The following KRAS variants were observed in gnomAD, a reference collection of about 807,000 sequenced individuals.
The protein encoded by KRAS is GTPase KRas.
A neutral mutation model predicts 21.0 loss-of-function variants in KRAS; 1 was observed. That is an observed-to-expected ratio of 0.05 (90% CI 0.02 to 0.23). KRAS has a LOEUF of 0.23. Among genes scored for constraint, KRAS ranks in the 10% least tolerant of loss-of-function variants. The pLI is 1.00. For synonymous variants in KRAS, 67 were observed against 72.5 expected (o/e 0.92, Z 0.39); for missense variants, 107 against 221.8 (o/e 0.48, Z 3.29).
intron 2 of KRAS, among the ~76,000 whole-genome samples, chr12:25,242,948 A>G (rs1951628635): frequency 6.6e-6 from 1 of 152,332 alleles, no homozygotes; most frequent in East Asian, 1.9e-4. Flanking sequence ...GTAAATTTTG[A>G]AAAATCTAAA....
At chr12:25,221,653 T>A (rs1221418990) in intron 4 of KRAS, among the ~76,000 whole-genome samples, 1 of 152,162 alleles carries the variant, frequency 6.6e-6, no homozygotes, top group Non-Finnish European at 1.5e-5. Flanking sequence ...ACATTTACTA[T>A]CTTGGCCCTT....
intron 2 of KRAS, among the ~76,000 whole-genome samples, chr12:25,240,506 G>A (rs777008671): frequency 2.6e-5 from 4 of 152,176 alleles, no homozygotes; most frequent in South Asian, 2.1e-4. Context: ...ATTGTAATAG[G>A]TATTACAAGA....
chr12:25,227,462 CA>C, intron 2 of KRAS, 50 bp from the exon 3 acceptor site: 2 of 1,540,538 alleles, frequency 1.3e-6, no homozygotes, highest in Admixed American at 1.7e-5. Context: ...CCTTTTACTT[CA>C]AAAAAGGTGT....
chr12:25,218,920 T>TTG (rs1951285170), intron 4 of KRAS, among the ~76,000 whole-genome samples: 1 of 110,882 alleles, frequency 9.0e-6, no homozygotes, highest in South Asian at 3.9e-4. Flanking sequence ...GGGTTTTTTG[T>TTG]TTTTTTTTAA....
chr12:25,207,498 G>A lies in KRAS; in HGVS notation c.*2297C>T, dbSNP rs1951151331. ...CACTGCATTCCAGCCTGGGTGACAAGAGCGAGACTCTGACACCAAAAAAAA... is the reference window on the plus strand; with the variant it reads ...CACTGCATTCCAGCCTGGGTGACAAAAGCGAGACTCTGACACCAAAAAAAA... On this transcript the variant is annotated 3_prime_UTR_variant, in exon 5 of 5. Transcript: ENST00000311936. 1 of 185,326 alleles carries A rather than the reference G, an allele frequency of 5.4e-6. No homozygotes were observed. The highest frequency in any genetic ancestry group is 1.1e-5 in the Non-Finnish European group (1 of 94,240). The allele number at this position is 185,326 out of a possible 1,614,324, so 11.5% of individuals were successfully genotyped here. A position where few individuals can be genotyped will look rare whatever the true frequency, so the allele number is the denominator to read the frequency against.
At chr12:25,216,602 G>C (rs570956460) in intron 4 of KRAS, among the ~76,000 whole-genome samples, 82 of 152,260 alleles carry the variant, frequency 5.4e-4, no homozygotes, top group African/African-American at 1.5e-3. Context: ...ATAATTTTTA[G>C]AACAGTGTTC....
At chr12:25,243,217 T>C (rs1951633026) in intron 2 of KRAS, among the ~76,000 whole-genome samples, 1 of 152,190 alleles carries the variant, frequency 6.6e-6, no homozygotes, top group Non-Finnish European at 1.5e-5. Context: ...TAAGTTCTCC[T>C]GCCTTTCTTA....
chr12:25,219,456 T>C (rs1951294513), intron 4 of KRAS, among the ~76,000 whole-genome samples: 1 of 152,214 alleles, frequency 6.6e-6, no homozygotes, highest in Non-Finnish European at 1.5e-5. Context: ...TTAGCCAAAG[T>C]ATCATTCTAA....
intron 3 of KRAS, 82 bp downstream of exon 3, chr12:25,227,152 T>A (rs367762892): frequency 4.5e-5 from 41 of 912,618 alleles, no homozygotes; most frequent in Non-Finnish European, 7.0e-5. Context: ...AAATATTATA[T>A]GCATGGCATT....
At chr12:25,248,985 T>C (rs1951726151) in intron 1 of KRAS, among the ~76,000 whole-genome samples, 1 of 152,246 alleles carries the variant, frequency 6.6e-6, no homozygotes, top group Admixed American at 6.5e-5. Flanking sequence ...TGGTTAATTC[T>C]GAGCTGATAA....
At chr12:25,211,748 G>A (rs938541431) in intron 4 of KRAS, among the ~76,000 whole-genome samples, 6 of 152,108 alleles carry the variant, frequency 3.9e-5, no homozygotes, top group Admixed American at 3.3e-4. Flanking sequence ...TTTAAGAGAG[G>A]TAAACATAGA....
chr12:25,225,328 A>G (rs1310497127), intron 4 of KRAS: 2 of 163,474 alleles, frequency 1.2e-5, no homozygotes, highest in South Asian at 1.0e-4. Context: ...ATATATATAT[A>G]TATATATGTA....
chr12:25,249,954 C>T (rs1431280448), intron 1 of KRAS, among the ~76,000 whole-genome samples: 1 of 152,118 alleles, frequency 6.6e-6, no homozygotes, highest in Non-Finnish European at 1.5e-5. Flanking sequence ...TAACTTTTTC[C>T]TTTTCACTGT....
At chr12:25,223,374 A>G (rs1951351746) in intron 4 of KRAS, among the ~76,000 whole-genome samples, 2 of 152,278 alleles carry the variant, frequency 1.3e-5, no homozygotes, top group South Asian at 4.1e-4. Context: ...CTTCTCTCCT[A>G]AGAAAAGTCA....
chr12:25,206,791 T>C lies in KRAS; in HGVS notation c.*3004A>G. ...AGGCACCTGTTTATTTGTACCCAGATAAAACTATTAATTTTTAAGTATATT... is the reference window on the plus strand; with the variant it reads ...AGGCACCTGTTTATTTGTACCCAGACAAAACTATTAATTTTTAAGTATATT... On this transcript the variant is annotated 3_prime_UTR_variant, in exon 5 of 5. Coordinates refer to ENST00000311936, the MANE Select transcript of KRAS (RefSeq NM_004985.5). 5.1e-6 allele frequency: 1 copy of C among 196,222 alleles called. No homozygotes were observed. The highest frequency in any genetic ancestry group is 1.1e-5 in the Non-Finnish European group (1 of 94,514). The allele number at this position is 196,222 out of a possible 1,614,324, so 12.2% of individuals were successfully genotyped here.
Position 25,239,473 on chromosome 12 carries a change from TAA to T in KRAS, c.111+5799_111+5800del, listed in dbSNP as rs554857900. Reference sequence around the variant, plus strand: ...TCCAAATTCCACAAATAAGGAAACCTAAAGTTAAATCACTCAATCTATGTTAC... The same window carrying T: ...TCCAAATTCCACAAATAAGGAAACCTAGTTAAATCACTCAATCTATGTTAC... On this transcript the variant is annotated intron_variant, in intron 2 of 4. Coordinates refer to ENST00000311936, the MANE Select transcript of KRAS (RefSeq NM_004985.5). Among the ~76,000 whole-genome samples, 135 of 152,314 alleles carry T rather than the reference TAA, an allele frequency of 8.9e-4. 2 individuals are homozygous for T. The highest frequency in any genetic ancestry group is 3.1e-3 in the African/African-American group (128 of 41,564).
At chr12:25,250,220 T>A (rs1402747821) in intron 1 of KRAS, among the ~76,000 whole-genome samples, 1 of 152,168 alleles carries the variant, frequency 6.6e-6, no homozygotes, top group Non-Finnish European at 1.5e-5. Context: ...AGGACCACTA[T>A]CCGTCCAGCC....
chr12:25,245,472 A>C, intron 1 of KRAS, 77 bp from the exon 2 acceptor site: 2 of 1,356,260 alleles, frequency 1.5e-6, no homozygotes, highest in Non-Finnish European at 2.1e-6. Flanking sequence ...CAAATACTCC[A>C]CCAGTACCTT....
chr12:25,210,505 G>A (rs1951190640), intron 4 of KRAS: 1 of 151,670 alleles, frequency 6.6e-6, no homozygotes, highest in African/African-American at 2.4e-5. Flanking sequence ...ATATATTAAG[G>A]GATTAGTTTC....
Sources: gnomAD v4.1 joint callset for allele counts (sites outside exome capture counted in the v4.1 genomes callset) on GRCh38, gnomAD v4.1.1 for gene constraint, MANE v1.5 for transcripts, NCBI Gene and HGNC (gene_info 2026-07-23, HGNC 2026-07-21) for gene names.